Variants in ZNF469 observed in about 807,000 individuals in gnomAD.
The protein encoded by ZNF469 is zinc finger protein 469.
ZNF469 carries 1 observed loss-of-function variant against 1.0 expected under a neutral mutation model. The ratio of observed to expected loss-of-function variants is 1.00; its 90% CI spans 0.35 to 4.73. The LOEUF is 4.73. Ranked by LOEUF, ZNF469 falls within the 30% of genes most tolerant of loss-of-function variation. The probability of loss-of-function intolerance (pLI) is 0.16; values close to 1 mark genes in which losing one functional copy is unlikely to be tolerated. For missense variants in ZNF469, 6,100 were observed against 5,356.3 expected (o/e 1.14, Z -4.33); for synonymous variants, 2,703 against 2,363.4 (o/e 1.14, Z -4.17).
the ZNF469 span, among the ~76,000 whole-genome samples, chr16:88,281,091 A>G: frequency 4.4e-5 from 6 of 135,460 alleles, no homozygotes; most frequent in Admixed American, 1.5e-4. Flanking sequence ...GTGCCACACC[A>G]ATGCTTGGTC....
At chr16:88,137,872 C>G in the ZNF469 span, among the ~76,000 whole-genome samples, 600 of 152,272 alleles carry the variant, frequency 3.9e-3, 1 homozygote, top group Non-Finnish European at 6.7e-3. Context: ...GGCTGGGAGA[C>G]CATGGCTAGC....
At chr16:88,302,745 C>A in the ZNF469 span, among the ~76,000 whole-genome samples, 1 of 152,206 alleles carries the variant, frequency 6.6e-6, no homozygotes, top group Non-Finnish European at 1.5e-5. Flanking sequence ...GCTGGCTGCT[C>A]TGTAGGGCCC....
chr16:88,381,490 G>T, upstream of ZNF469, among the ~76,000 whole-genome samples: 1 of 152,196 alleles, frequency 6.6e-6, no homozygotes, highest in East Asian at 1.9e-4. Context: ...CAGTAGAAAC[G>T]AGAAGGAAGG....
At chr16:88,129,485 C>T in the ZNF469 span, among the ~76,000 whole-genome samples, 3 of 152,160 alleles carry the variant, frequency 2.0e-5, no homozygotes, top group Non-Finnish European at 4.4e-5. Context: ...ATGCAAATAT[C>T]TGTTTCTTAA....
chr16:88,394,147 G>A (rs963405953), intron 1 of ZNF469, among the ~76,000 whole-genome samples: 2 of 151,452 alleles, frequency 1.3e-5, no homozygotes, highest in African/African-American at 2.4e-5. Context: ...CTACACCTGC[G>A]CTGTCCGAGA....
At chr16:88,211,588 C>G in the ZNF469 span, among the ~76,000 whole-genome samples, 2 of 152,108 alleles carry the variant, frequency 1.3e-5, no homozygotes, top group African/African-American at 2.4e-5. Flanking sequence ...GTACTGATTT[C>G]TCGGTGTCTG....
At chr16:88,290,874 A>G in the ZNF469 span, among the ~76,000 whole-genome samples, 1 of 152,190 alleles carries the variant, frequency 6.6e-6, no homozygotes, top group Non-Finnish European at 1.5e-5. Flanking sequence ...CACCTTCAGG[A>G]CAGCATCTTT....
chr16:88,166,339 T>C, the ZNF469 span, among the ~76,000 whole-genome samples: 1 of 152,046 alleles, frequency 6.6e-6, no homozygotes, highest in African/African-American at 2.4e-5. The surrounding 1 kb of genome is among the most constrained non-coding windows in gnomAD (Gnocchi z 4.5). Flanking sequence ...AGAAAACAAC[T>C]GTGGACGCAA....
At chr16:88,350,997 G>A in the ZNF469 span, among the ~76,000 whole-genome samples, 1 of 152,266 alleles carries the variant, frequency 6.6e-6, no homozygotes, top group Admixed American at 6.5e-5. Flanking sequence ...GCCTCCAAGT[G>A]TGTGTGGCCT....
At chr16:88,354,393 G>A in the ZNF469 span, among the ~76,000 whole-genome samples, 22 of 152,146 alleles carry the variant, frequency 1.4e-4, no homozygotes, top group Non-Finnish European at 2.2e-4. Flanking sequence ...GGACGCAGGC[G>A]GCGGGAGTGG....
chr16:88,145,831 G>A, the ZNF469 span, among the ~76,000 whole-genome samples: 1 of 152,246 alleles, frequency 6.6e-6, no homozygotes, highest in African/African-American at 2.4e-5. Flanking sequence ...GGAGCCTCCT[G>A]TGGCCCGAGG....
rs113227277 is a variant in ZNF469 at position 88,428,097 on chromosome 16, G to T, written c.627G>T (p.Gly209=). 1,578 of 1,549,590 alleles carry T rather than the reference G, an allele frequency of 1.0e-3. 13 individuals are homozygous for T. In the African/African-American group the frequency reaches 0.018, roughly 18 times the overall value. Residue 209 remains glycine, a synonymous_variant, in exon 3 of 3, where the codon GGG becomes GGT. Coordinates refer to ENST00000565624, the MANE Select transcript of ZNF469 (RefSeq NM_001367624.2). The stretch of plus-strand genomic sequence containing the variant: ...CCACCCCCAGGCCCCCAGCCCCGGG[G>T]CCCCCCCAGAGCAGGGGCACCAGCC... The part of the protein sequence containing the change: ...PSATPRPPAP[G]PPQSRGTSPL...
the ZNF469 span, among the ~76,000 whole-genome samples, chr16:88,359,488 T>C: frequency 6.6e-6 from 1 of 152,258 alleles, no homozygotes; most frequent in Non-Finnish European, 1.5e-5. Context: ...TTGGTTTGTG[T>C]GGGAAGGAGT....
At position 88,432,812 on chromosome 16, in the gene ZNF469, G is replaced by T. The variant is rs1001121726; in HGVS notation, c.5342G>T (p.Gly1781Val). Residue 1781 changes from glycine (G) to valine (V), a missense_variant, in exon 3 of 3, where the codon GGC becomes GTC. Transcript: ENST00000565624. ...EQRGGFLPEP[G>V]TADQPHRGAP... ...AGAGGAGGGTTCCTCCCAGAGCCCG[G>T]CACAGCAGACCAGCCCCACCGAGGG... 6.5e-7 allele frequency: 1 copy of T among 1,550,074 alleles called. No homozygotes were observed. Among genetic ancestry groups the T allele is most frequent in the African/African-American group, 1.4e-5 (1 of 73,006 alleles).
At chr16:88,122,719 C>T in the ZNF469 span, among the ~76,000 whole-genome samples, 6 of 152,142 alleles carry the variant, frequency 3.9e-5, no homozygotes, top group Non-Finnish European at 8.8e-5. Context: ...ATGCTTTAGT[C>T]TGCCACAGTT....
chr16:88,111,161 G>T, the ZNF469 span, among the ~76,000 whole-genome samples: 3 of 152,234 alleles, frequency 2.0e-5, no homozygotes, highest in Admixed American at 1.3e-4. Context: ...ATGGGGCTGT[G>T]ACGCCACTGC....
In ZNF469 at chr16:88,385,211, C is replaced by T. The variant is rs190221254; in HGVS notation, c.-192+1957C>T. ...CCAGGGTGGCCTGGAAGCAGAGATG[C>T]CCTCCCCTCCTTTCTCCTGGAGTCT... On this transcript the variant is annotated intron_variant, in intron 1 of 2. Transcript: ENST00000565624. Among the ~76,000 whole-genome samples the T allele has an allele frequency of 3.6e-3, 555 of 152,230 alleles. 2 individuals carry two copies. The highest frequency in any genetic ancestry group is 0.017 in the Middle Eastern group (5 of 294).
At position 88,432,445 on chromosome 16, in the gene ZNF469, C is replaced by T. The variant is rs1906266750; in HGVS notation, c.4975C>T (p.Pro1659Ser). Residue 1659 changes from proline (P) to serine (S), a missense_variant, in exon 3 of 3, where the codon CCC becomes TCC. Physicochemically the swap from Pro to Ser is moderately conservative, Grantham distance 74. Transcript: ENST00000565624. The stretch of plus-strand genomic sequence containing the variant: ...TCAGGGGAGGCCTGGGGGGACGTGG[C>T]CCTGCCCAGCCTCCTTCCATCCGGG... ...AVQGRPGGTW[P>S]CPASFHPGHA... 1 of 1,550,246 alleles carries T rather than the reference C, an allele frequency of 6.5e-7. No homozygotes were observed. Among genetic ancestry groups the T allele is most frequent in the East Asian group, 2.4e-5 (1 of 40,912 alleles).
the ZNF469 span, among the ~76,000 whole-genome samples, chr16:88,119,662 C>G: frequency 2.2e-4 from 33 of 152,278 alleles, no homozygotes; most frequent in South Asian, 2.1e-4. Context: ...CCGGGTCCAG[C>G]CGTTTGGGTG....
Sources: allele counts gnomAD v4.1 joint callset (sites outside exome capture counted in the v4.1 genomes callset), GRCh38; gene constraint gnomAD v4.1.1; non-coding constraint Gnocchi (gnomAD v3.1); transcripts MANE v1.5; gene names NCBI Gene and HGNC (gene_info 2026-07-23, HGNC 2026-07-21).